Variants in CACNA2D3 observed in about 807,000 individuals in gnomAD.
The protein encoded by CACNA2D3 is calcium voltage-gated channel auxiliary subunit alpha2delta 3.
In CACNA2D3, 60 loss-of-function variants were observed where a neutral mutation model predicts 160.6. The ratio of observed to expected loss-of-function variants is 0.37; its 90% confidence interval spans 0.30 to 0.46. The LOEUF is 0.46. CACNA2D3 is among the 20% of genes least tolerant of loss of function. The probability of loss-of-function intolerance (pLI) is 1.00; values close to 1 mark genes in which losing one functional copy is unlikely to be tolerated. For missense variants in CACNA2D3, 1,205 were observed against 1,365.0 expected, an observed-to-expected ratio of 0.88 and a Z score of 1.85; for synonymous variants, 558 against 492.9, an observed-to-expected ratio of 1.13 and a Z score of -1.75.
intron 2 of CACNA2D3, among the ~76,000 whole-genome samples, chr3:54,134,731 C>T (rs746462947): frequency 7.2e-5 from 11 of 152,236 alleles, no homozygotes; most frequent in African/African-American, 1.9e-4. Flanking sequence ...CAGAACAAGC[C>T]GGTCCTCAGT....
At chr3:54,983,565 A>G (rs112250072) in intron 29 of CACNA2D3, among the ~76,000 whole-genome samples, 7 of 152,210 alleles carry the variant, frequency 4.6e-5, no homozygotes, top group African/African-American at 1.7e-4. Context: ...CAGAGCAGCC[A>G]ACTCTTTTAT....
At chr3:54,393,259 C>A (rs987353940) in intron 4 of CACNA2D3, among the ~76,000 whole-genome samples, 1 of 152,208 alleles carries the variant, frequency 6.6e-6, no homozygotes, top group Non-Finnish European at 1.5e-5. Flanking sequence ...GGACTCCTAC[C>A]GACCTCACAG....
intron 3 of CACNA2D3, among the ~76,000 whole-genome samples, chr3:54,331,409 T>A (rs1255910426): frequency 1.3e-5 from 2 of 152,100 alleles, no homozygotes; most frequent in Non-Finnish European, 2.9e-5. Flanking sequence ...CAGATTAGGG[T>A]TAGTAGAGTC....
chr3:54,180,316 CAT>C (rs1193859170), intron 2 of CACNA2D3, among the ~76,000 whole-genome samples: 2 of 152,176 alleles, frequency 1.3e-5, no homozygotes, highest in Non-Finnish European at 2.9e-5. Flanking sequence ...TGCTTTGTGA[CAT>C]GTGTGACACC....
intron 21 of CACNA2D3, among the ~76,000 whole-genome samples, chr3:54,884,172 T>A (rs1353942186): frequency 6.6e-6 from 1 of 152,198 alleles, no homozygotes; most frequent in Non-Finnish European, 1.5e-5. Context: ...CACAGATAGA[T>A]GGATTGTACT....
intron 2 of CACNA2D3, among the ~76,000 whole-genome samples, chr3:54,283,019 C>T (rs1387581551): frequency 1.3e-5 from 2 of 152,060 alleles, no homozygotes; most frequent in African/African-American, 4.8e-5. Flanking sequence ...TTTGATGAAG[C>T]AGTTTCGTAC....
intron 2 of CACNA2D3, among the ~76,000 whole-genome samples, chr3:54,139,439 T>A (rs189838926): frequency 6.6e-6 from 1 of 152,380 alleles, no homozygotes; most frequent in East Asian, 1.9e-4. Context: ...CGCATTCATG[T>A]CAGAGCAGGC....
At chr3:54,573,064 C>T (rs1702526205) in intron 8 of CACNA2D3, among the ~76,000 whole-genome samples, 1 of 152,094 alleles carries the variant, frequency 6.6e-6, no homozygotes, top group Non-Finnish European at 1.5e-5. Flanking sequence ...TTTTTTTACC[C>T]CAAATTGTCC....
At chr3:54,494,029 G>A (rs1253679427) in intron 4 of CACNA2D3, among the ~76,000 whole-genome samples, 1 of 152,212 alleles carries the variant, frequency 6.6e-6, no homozygotes, top group Non-Finnish European at 1.5e-5. Flanking sequence ...AACACACCCA[G>A]TACTTTGTCT....
chr3:55,046,207 C>A (rs1394929249), intron 35 of CACNA2D3, among the ~76,000 whole-genome samples: 1 of 146,648 alleles, frequency 6.8e-6, no homozygotes, highest in Non-Finnish European at 1.5e-5. Flanking sequence ...CCCACTAACT[C>A]GTCATCTAGC....
At chr3:54,647,784 T>C (rs1699680338) in intron 11 of CACNA2D3, among the ~76,000 whole-genome samples, 1 of 152,274 alleles carries the variant, frequency 6.6e-6, no homozygotes, top group South Asian at 2.1e-4. Context: ...ACTGTGAGCC[T>C]ATGAAGGCAG....
chr3:54,235,350 C>T (rs1261226924), intron 2 of CACNA2D3, among the ~76,000 whole-genome samples: 4 of 152,166 alleles, frequency 2.6e-5, no homozygotes, highest in Non-Finnish European at 5.9e-5. Context: ...AAGCATGAAG[C>T]TGCATCTGCT....
chr3:54,337,089 C>G (rs1704400166), intron 3 of CACNA2D3, among the ~76,000 whole-genome samples: 2 of 152,182 alleles, frequency 1.3e-5, no homozygotes, highest in South Asian at 4.1e-4. Context: ...GACAGACAGA[C>G]AGACAGACAG....
chr3:54,763,545 G>T (rs1290443535), intron 12 of CACNA2D3, among the ~76,000 whole-genome samples: 1 of 150,648 alleles, frequency 6.6e-6, no homozygotes, highest in Non-Finnish European at 1.5e-5. Context: ...AAAAAATAAG[G>T]TTACAAAATA....
At chr3:54,842,604 T>C (rs1453421525) in intron 16 of CACNA2D3, among the ~76,000 whole-genome samples, 1 of 93,612 alleles carries the variant, frequency 1.1e-5, no homozygotes. Flanking sequence ...TTTTTTTTCT[T>C]TTCTTTTTTT....
At chr3:54,857,918 GGCTTTAT>G (rs1438617199) in intron 17 of CACNA2D3, among the ~76,000 whole-genome samples, 1 of 152,040 alleles carries the variant, frequency 6.6e-6, no homozygotes, top group South Asian at 2.1e-4. Flanking sequence ...AAGGAGCCTT[GGCTTTAT>G]GCTATTAATA....
At chr3:54,477,660 A>G (rs1175625272) in intron 4 of CACNA2D3, among the ~76,000 whole-genome samples, 2 of 151,908 alleles carry the variant, frequency 1.3e-5, no homozygotes, top group Non-Finnish European at 2.9e-5. Context: ...AGTCATCATG[A>G]TCTCCTCCCT....
intron 3 of CACNA2D3, among the ~76,000 whole-genome samples, chr3:54,322,768 G>A (rs75815659): frequency 0.082 from 12,410 of 151,962 alleles, 579 homozygotes; most frequent in Middle Eastern, 0.14. Flanking sequence ...TGGGTTTAGC[G>A]TCTTCGTATT....
chr3:54,928,505 A>AC (rs1701093646), intron 27 of CACNA2D3, among the ~76,000 whole-genome samples: 1 of 152,140 alleles, frequency 6.6e-6, no homozygotes, highest in Non-Finnish European at 1.5e-5. Context: ...CTGGAGGCTG[A>AC]CACGGTTTGC....
Sources: allele counts gnomAD v4.1 joint callset (sites outside exome capture counted in the v4.1 genomes callset), GRCh38; gene constraint gnomAD v4.1.1; transcripts MANE v1.5; gene names NCBI Gene and HGNC (gene_info 2026-07-23, HGNC 2026-07-21).